The following P2RY12 variants were observed in gnomAD, a reference collection of about 807,000 sequenced individuals.
P2RY12 encodes purinergic receptor P2Y12, also known as P2Y purinoceptor 12.
In P2RY12, 3 loss-of-function variants were observed where a neutral mutation model predicts 4.5. That is an observed-to-expected ratio of 0.67 (90% confidence interval 0.31 to 1.74). The LOEUF is 1.74. Ranked by LOEUF, P2RY12 falls within the 40% of genes most tolerant of loss-of-function variation. The pLI is 0.09. For synonymous variants in P2RY12, 148 were observed against 154.1 expected, an observed-to-expected ratio of 0.96 and a Z score of 0.29; for missense variants, 356 against 407.8, an observed-to-expected ratio of 0.87 and a Z score of 1.09.
chr3:151,350,842 T>C (rs1011671472), intron 1 of P2RY12, among the ~76,000 whole-genome samples: 3 of 152,368 alleles, frequency 2.0e-5, no homozygotes, highest in Admixed American at 6.5e-5. Flanking sequence ...GCTGTGCCTT[T>C]ATGTTGTATC....
rs1755530189 is a variant in P2RY12, at chr3:151,368,242, C to G, written c.-180+16450G>C. 9 of 1,613,574 alleles carry G rather than the reference C, an allele frequency of 5.6e-6. No individual in the cohort carries two copies. Among genetic ancestry groups the G allele is most frequent in the Non-Finnish European group, 7.6e-6 (9 of 1,179,650 alleles). On this transcript the variant is annotated intron_variant, in intron 1 of 2. Transcript: ENST00000302632. Reference sequence around the variant, plus strand: ...AGCTCCCCAGGCCTGCTTCTTACCTCAAGCAACGGGTGAGCTGACTGCAGA... The same window carrying G: ...AGCTCCCCAGGCCTGCTTCTTACCTGAAGCAACGGGTGAGCTGACTGCAGA...
intron 1 of P2RY12, among the ~76,000 whole-genome samples, chr3:151,353,718 C>T (rs1177206558): frequency 6.6e-6 from 1 of 152,180 alleles, no homozygotes; most frequent in East Asian, 1.9e-4. Flanking sequence ...TCAGTGAAAT[C>T]TTGTTCATTT....
chr3:151,344,954 A>G (rs891556709), intron 1 of P2RY12, among the ~76,000 whole-genome samples: 3 of 152,238 alleles, frequency 2.0e-5, no homozygotes, highest in African/African-American at 7.2e-5. Flanking sequence ...TTTTAAAGAA[A>G]TAAAGATGAA....
intron 1 of P2RY12, among the ~76,000 whole-genome samples, chr3:151,363,144 A>G (rs1754827670): frequency 6.6e-6 from 1 of 152,092 alleles, no homozygotes; most frequent in Non-Finnish European, 1.5e-5. Flanking sequence ...TGAATAGAGT[A>G]ATTACTCAGG....
intron 2 of P2RY12, among the ~76,000 whole-genome samples, chr3:151,339,433 A>G (rs960113412): frequency 8.6e-6 from 1 of 115,670 alleles, no homozygotes; most frequent in Non-Finnish European, 2.1e-5. Context: ...TGAATCAGTA[A>G]AAAAAAAAAA....
chr3:151,377,749 G>A (rs1418096067), intron 1 of P2RY12, among the ~76,000 whole-genome samples: 1 of 152,020 alleles, frequency 6.6e-6, no homozygotes, highest in Non-Finnish European at 1.5e-5. Context: ...TAGAGAGAGG[G>A]GGTCATCGGA....
At chr3:151,373,112 A>G (rs528595369) in intron 1 of P2RY12, among the ~76,000 whole-genome samples, 3 of 152,268 alleles carry the variant, frequency 2.0e-5, no homozygotes, top group South Asian at 2.1e-4. Context: ...AAATATAGCT[A>G]TTAAACATCA....
intron 1 of P2RY12, chr3:151,369,394 A>G: frequency 7.6e-7 from 1 of 1,318,470 alleles, no homozygotes; most frequent in South Asian, 1.3e-5. Context: ...AAACATTACT[A>G]ATGATGGTAA....
chr3:151,337,087 A>G lies in P2RY12; in HGVS notation c.*730T>C, dbSNP rs1260986180. ...GAAGTTGTAAAAAATTAGTAAAACT[A>G]GTTTCTCTAGAATTAAGGAAATATT... is the stretch of plus-strand genomic sequence containing the variant. On this transcript the variant is annotated 3_prime_UTR_variant, in exon 3 of 3. Transcript: ENST00000302632. The G allele has an allele frequency of 6.6e-6, 1 of 152,146 alleles. No individual in the cohort carries two copies. Among genetic ancestry groups the G allele is most frequent in the Non-Finnish European group, 1.5e-5 (1 of 67,992 alleles). The allele number at this position is 152,146 out of a possible 1,614,324, so 9.4% of individuals were successfully genotyped here. A position where few individuals can be genotyped will look rare whatever the true frequency, so the allele number is the denominator to read the frequency against.
chr3:151,364,928 A>G (rs757715148), intron 1 of P2RY12: 45 of 1,265,538 alleles, frequency 3.6e-5, no homozygotes, highest in Non-Finnish European at 5.1e-5. Flanking sequence ...ATAGTTTTCT[A>G]GTTATTCTAG....
chr3:151,365,569 G>T (rs1434350676), intron 1 of P2RY12, among the ~76,000 whole-genome samples: 1 of 152,156 alleles, frequency 6.6e-6, no homozygotes, highest in Non-Finnish European at 1.5e-5. Flanking sequence ...CCTTAAAAAT[G>T]TAAATCGTAG....
Position 151,371,039 on chromosome 3 carries a change from C to T in P2RY12, c.-180+13653G>A, listed in dbSNP as rs1756120579. On this transcript the variant is annotated intron_variant, in intron 1 of 2. Transcript: ENST00000302632. ...ATGTATTCTATTGTCAATGCAATTG[C>T]AGAAGGCCTGGCACAGACTCTCATA... Among the ~76,000 whole-genome samples, 3 of 152,202 alleles carry T rather than the reference C, an allele frequency of 2.0e-5. No individual in the cohort carries two copies. In the South Asian group the frequency reaches 6.2e-4, roughly 31 times the overall value.
At chr3:151,358,369 T>C (rs1754193353) in intron 1 of P2RY12, among the ~76,000 whole-genome samples, 1 of 152,116 alleles carries the variant, frequency 6.6e-6, no homozygotes, top group Admixed American at 6.6e-5. Flanking sequence ...CCCAGGAAAT[T>C]GAGATTCAGG....
chr3:151,364,053 A>G (rs139140244), intron 1 of P2RY12, among the ~76,000 whole-genome samples: 160 of 152,310 alleles, frequency 1.1e-3, no homozygotes, highest in African/African-American at 3.4e-3. Flanking sequence ...TTTTGCTGCC[A>G]AAAACTTAAT....
At chr3:151,346,733 C>T (rs900066549) in intron 1 of P2RY12, among the ~76,000 whole-genome samples, 1 of 152,082 alleles carries the variant, frequency 6.6e-6, no homozygotes, top group African/African-American at 2.4e-5. Flanking sequence ...CCCTTCTTCC[C>T]TAAACATAAT....
chr3:151,369,496 A>G, intron 1 of P2RY12: 3 of 1,612,354 alleles, frequency 1.9e-6, no homozygotes, highest in Non-Finnish European at 2.5e-6. Flanking sequence ...GCTGCTCACA[A>G]CAGCATTGAA....
intron 1 of P2RY12, chr3:151,367,844 G>GA: frequency 6.7e-7 from 1 of 1,490,492 alleles, no homozygotes; most frequent in South Asian, 1.3e-5. Flanking sequence ...ACAACACAGG[G>GA]AAAGGAGTAT....
rs572667263 is a variant in P2RY12 at position 151,353,595 on chromosome 3, AT to A, written c.-179-12836del. On this transcript the variant is annotated intron_variant, in intron 1 of 2. Coordinates refer to ENST00000302632, the MANE Select transcript of P2RY12 (RefSeq NM_022788.5). ...AACCAGCCTTGTGGTGTTTTGTTTT[AT>A]TTTGTTTTTGACTGTAACCACTAAT... Among the ~76,000 whole-genome samples, 9 of 152,268 alleles carry A rather than the reference AT, an allele frequency of 5.9e-5. No individual in the cohort carries two copies. The South Asian group carries it at 1.9e-3, about 32-fold the overall frequency.
chr3:151,368,455 C>T (rs1021736653), intron 1 of P2RY12, among the ~76,000 whole-genome samples: 1 of 151,934 alleles, frequency 6.6e-6, no homozygotes, highest in Admixed American at 6.6e-5. Flanking sequence ...TTGAGAAATA[C>T]GAATCAAGAG....
Sources: gnomAD v4.1 joint callset for allele counts (sites outside exome capture counted in the v4.1 genomes callset) on GRCh38, gnomAD v4.1.1 for gene constraint, MANE v1.5 for transcripts, NCBI Gene and HGNC (gene_info 2026-07-23, HGNC 2026-07-21) for gene names.